NAP1L1: variants seen among roughly 807,000 people sequenced by gnomAD.
The protein encoded by NAP1L1 is nucleosome assembly protein 1-like 1.
NAP1L1 carries 9 observed loss-of-function variants against 58.9 expected under a neutral mutation model. That is an observed-to-expected ratio of 0.15 (90% CI 0.09 to 0.27). The LOEUF is 0.27. Among genes scored for constraint, NAP1L1 ranks in the 10% least tolerant of loss-of-function variants. NAP1L1 has a pLI of 1.00. For missense variants in NAP1L1, 302 were observed against 458.8 expected (o/e 0.66, Z 3.12); for synonymous variants, 130 against 138.3 (o/e 0.94, Z 0.42).
chr12:76,045,687 G>A lies in NAP1L1; in HGVS notation c.*2742C>T, dbSNP rs1040294993. On this transcript the variant is annotated 3_prime_UTR_variant, in exon 15 of 15. Transcript: ENST00000618691. ...AGATTTACTAATTTAAGAATCCTAA[G>A]AAATTATATATGTGGCTTTCAGACA... 6.6e-6 allele frequency: 1 copy of A among 151,892 alleles called. No individual in the cohort carries two copies. The highest frequency in any genetic ancestry group is 2.4e-5 in the African/African-American group (1 of 41,400). 9.4% of individuals were successfully genotyped at this position (151,892 alleles called of 1,614,324 possible).
At chr12:76,050,184 G>GA (rs1948754423) in intron 12 of NAP1L1, among the ~76,000 whole-genome samples, 1 of 152,102 alleles carries the variant, frequency 6.6e-6, no homozygotes, top group Admixed American at 6.5e-5. Context: ...ACCTTGAATA[G>GA]AAATTCTATG....
chr12:76,078,043 T>G (rs994150278), intron 1 of NAP1L1, among the ~76,000 whole-genome samples: 1 of 149,332 alleles, frequency 6.7e-6, no homozygotes, highest in Non-Finnish European at 1.5e-5. Flanking sequence ...ACAAAAACAT[T>G]TTGTTAAAAA....
rs35898958 is a variant in NAP1L1 at position 76,043,477 on chromosome 12, GA to G, written c.*4951del. On this transcript the variant is annotated 3_prime_UTR_variant, in exon 15 of 15. Coordinates refer to ENST00000618691, the MANE Select transcript of NAP1L1 (RefSeq NM_004537.7). ...GCAAATGAAGTAAGACCCTGTCTCA[GA>G]AAAAAAAAAAAAAAAAAAAATTTCT... 4,469 of 121,178 alleles carry G rather than the reference GA, an allele frequency of 0.037. 90 individuals carry two copies. Among genetic ancestry groups the G allele is most frequent in the Non-Finnish European group, 0.056 (3,385 of 60,300 alleles). The allele number at this position is 121,178 out of a possible 1,614,324, so 7.5% of individuals were successfully genotyped here.
At chr12:76,058,085 A>G in intron 6 of NAP1L1, 7 of 761,332 alleles carry the variant, frequency 9.2e-6, no homozygotes, top group African/African-American at 1.7e-5. Context: ...AACAGACAGA[A>G]GTAGATGATG....
rs571165979 is a variant in NAP1L1, at chr12:76,047,333, T to C, written c.*1096A>G. Reference sequence around the variant, plus strand: ...AAGAATTAGAAGAAACCATAGAAGCTTGGGGCCTTCTCTCTAGCTCTAACC... The same window carrying C: ...AAGAATTAGAAGAAACCATAGAAGCCTGGGGCCTTCTCTCTAGCTCTAACC... On this transcript the variant is annotated 3_prime_UTR_variant, in exon 15 of 15. Coordinates refer to ENST00000618691, the MANE Select transcript of NAP1L1 (RefSeq NM_004537.7). 2.0e-5 allele frequency: 3 copies of C among 151,846 alleles called. No homozygotes were observed. The highest frequency in any genetic ancestry group is 4.4e-5 in the Non-Finnish European group (3 of 67,816). The allele number at this position is 151,846 out of a possible 1,614,324, so 9.4% of individuals were successfully genotyped here.
intron 2 of NAP1L1, among the ~76,000 whole-genome samples, chr12:76,069,444 G>C (rs183317692): frequency 4.2e-4 from 64 of 152,284 alleles, no homozygotes; most frequent in African/African-American, 1.4e-3. Flanking sequence ...ATTTCTTTGA[G>C]GAAGTATCCT....
In NAP1L1 at chr12:76,046,340, T is replaced by A. The variant is rs976205084; in HGVS notation, c.*2089A>T. 1 of 152,426 alleles carries A rather than the reference T, an allele frequency of 6.6e-6. No homozygotes were observed. Among genetic ancestry groups the A allele is most frequent in the Admixed American group, 6.6e-5 (1 of 15,264 alleles). The allele number at this position is 152,426 out of a possible 1,614,324, so 9.4% of individuals were successfully genotyped here. A position where few individuals can be genotyped will look rare whatever the true frequency, so the allele number is the denominator to read the frequency against. On this transcript the variant is annotated 3_prime_UTR_variant, in exon 15 of 15. Transcript: ENST00000618691. ...TCTTCTGCAAACCACATCCCCTTTA[T>A]GTAACAAGACTAGGTATTATCTACA... is the stretch of plus-strand genomic sequence containing the variant.
chr12:76,053,733 A>T (rs527629600), intron 9 of NAP1L1, 37 bp downstream of exon 9: 1,189 of 1,594,866 alleles, frequency 7.5e-4, no homozygotes, highest in South Asian at 1.1e-3. Flanking sequence ...ACAAAAACAG[A>T]AAAAACATTT....
At chr12:76,074,358 C>T (rs1198081166) in intron 1 of NAP1L1, 119 bp from the exon 2 acceptor site, 2 of 1,341,948 alleles carry the variant, frequency 1.5e-6, no homozygotes, top group African/African-American at 1.5e-5. Flanking sequence ...TGTCTATTTC[C>T]TTTAAAATAC....
chr12:76,062,447 G>A lies in NAP1L1; in HGVS notation c.207-2168C>T, dbSNP rs553357915. Among the ~76,000 whole-genome samples, 22 of 152,200 alleles carry A rather than the reference G, an allele frequency of 1.4e-4. 1 individual carries two copies. In the East Asian group the frequency reaches 2.5e-3, roughly 17 times the overall value. ...CTCAGAGAATAACTAGAAACTTCAA[G>A]GGTACAATTTCTATGAAAGAGTGAA... is the stretch of plus-strand genomic sequence containing the variant. On this transcript the variant is annotated intron_variant, in intron 4 of 14. Coordinates refer to ENST00000618691, the MANE Select transcript of NAP1L1 (RefSeq NM_004537.7).
chr12:76,054,804 T>A (rs7976730), intron 8 of NAP1L1, among the ~76,000 whole-genome samples: 84,172 of 151,948 alleles, frequency 0.55, 24,898 homozygotes, highest in East Asian at 0.96. Context: ...TTTTATCCAC[T>A]TATCCAGGAA....
chr12:76,055,489 C>T (rs1415187111), intron 7 of NAP1L1, among the ~76,000 whole-genome samples: 1 of 152,144 alleles, frequency 6.6e-6, no homozygotes, highest in Non-Finnish European at 1.5e-5. Flanking sequence ...GTGTGAAGAT[C>T]ATTTCTTTTT....
At chr12:76,057,763 C>A (rs1190071857) in intron 6 of NAP1L1, 6 of 1,550,418 alleles carry the variant, frequency 3.9e-6, no homozygotes, top group Non-Finnish European at 4.4e-6. Context: ...TTCACCCAAA[C>A]AAGAAGCTGG....
chr12:76,052,873 A>C (rs1948907937), intron 11 of NAP1L1, among the ~76,000 whole-genome samples: 1 of 152,192 alleles, frequency 6.6e-6, no homozygotes, highest in Non-Finnish European at 1.5e-5. Flanking sequence ...GAAGTTTCAA[A>C]AGAAAAGAAA....
chr12:76,045,850 G>GA lies in NAP1L1; in HGVS notation c.*2578dup, dbSNP rs1948598178. On this transcript the variant is annotated 3_prime_UTR_variant, in exon 15 of 15. Transcript: ENST00000618691. ...TATGATATTTCACCATTTCTAACAG[G>GA]AAAAAATGAGACTTACTTGGCAGTG... The GA allele has an allele frequency of 6.6e-6, 1 of 151,868 alleles. No homozygotes were observed. The highest frequency in any genetic ancestry group is 2.1e-4 in the South Asian group (1 of 4,830). The allele number at this position is 151,868 out of a possible 1,614,324, so 9.4% of individuals were successfully genotyped here.
Position 76,048,184 on chromosome 12 carries a change from G to T in NAP1L1, c.*245C>A. On this transcript the variant is annotated 3_prime_UTR_variant, in exon 15 of 15. Transcript: ENST00000618691. ...AGAGCTACATAAAAATATTCCAGAA[G>T]AACCAAATTATGTAGCAATGAATGA... 2.4e-6 allele frequency: 1 copy of T among 415,100 alleles called. No homozygotes were observed. Among genetic ancestry groups the T allele is most frequent in the Non-Finnish European group, 4.3e-6 (1 of 234,304 alleles). The allele number at this position is 415,100 out of a possible 1,614,324, so 25.7% of individuals were successfully genotyped here. A position where few individuals can be genotyped will look rare whatever the true frequency, so the allele number is the denominator to read the frequency against.
rs1948623578 is a variant in NAP1L1 at position 76,047,061 on chromosome 12, G to C, written c.*1368C>G. ...GCTGACTGCCCAGATCCAGAACAGA[G>C]GTACTTAACACCTTTGTTTTCCAGT... On this transcript the variant is annotated 3_prime_UTR_variant, in exon 15 of 15. Coordinates refer to ENST00000618691, the MANE Select transcript of NAP1L1 (RefSeq NM_004537.7). 1.3e-5 allele frequency: 2 copies of C among 152,418 alleles called. No homozygotes were observed. Among genetic ancestry groups the C allele is most frequent in the South Asian group, 4.1e-4 (2 of 4,834 alleles). 9.4% of individuals were successfully genotyped at this position (152,418 alleles called of 1,614,324 possible).
intron 2 of NAP1L1, among the ~76,000 whole-genome samples, chr12:76,069,824 TAA>T (rs36109243): frequency 1.4e-5 from 2 of 145,564 alleles, no homozygotes; most frequent in Admixed American, 6.8e-5. Context: ...CATTTCATCT[TAA>T]AAAAAAAAAA....
At chr12:76,080,760 A>G (rs908337441) in intron 1 of NAP1L1, among the ~76,000 whole-genome samples, 1 of 152,204 alleles carries the variant, frequency 6.6e-6, no homozygotes, top group Non-Finnish European at 1.5e-5. Context: ...TGTCCCCTCT[A>G]AAACTCAAGT....
Sources: gnomAD v4.1 joint callset for allele counts (sites outside exome capture counted in the v4.1 genomes callset) on GRCh38, gnomAD v4.1.1 for gene constraint, MANE v1.5 for transcripts, NCBI Gene and HGNC (gene_info 2026-07-23, HGNC 2026-07-21) for gene names.